The following GNL3 variants were observed in gnomAD, a reference collection of about 807,000 sequenced individuals.
GNL3 encodes the protein guanine nucleotide-binding protein-like 3.
Under a neutral mutation model 70.6 loss-of-function variants are expected in GNL3, and 77 were observed. The ratio of observed to expected loss-of-function variants is 1.09; its 90% confidence interval spans 0.91 to 1.32. The LOEUF is 1.32. Among genes scored for constraint, GNL3 ranks in the 40% most tolerant of loss-of-function variants. The pLI is 0.00. For missense variants in GNL3, 634 were observed against 644.0 expected (o/e 0.98, Z 0.17); for synonymous variants, 252 against 216.1 (o/e 1.17, Z -1.46).
Position 52,687,488 on chromosome 3 carries a change from T to G in GNL3, c.211-14T>G, listed in dbSNP as rs750451380. 1 of 1,602,552 alleles carries G rather than the reference T, an allele frequency of 6.2e-7. No individual in the cohort carries two copies. The highest frequency in any genetic ancestry group is 8.5e-7 in the Non-Finnish European group (1 of 1,169,682). Reference sequence around the variant, plus strand: ...TAGTCACTGGTTCACCTATTTCCCTTATGGCTCTGACAGCTTGAAGAACTA... The same window carrying G: ...TAGTCACTGGTTCACCTATTTCCCTGATGGCTCTGACAGCTTGAAGAACTA... On this transcript the variant is annotated splice_polypyrimidine_tract_variant and intron_variant, in intron 3 of 14. Coordinates refer to ENST00000418458, the MANE Select transcript of GNL3 (RefSeq NM_014366.5).
chr3:52,690,839 G>C (rs1424794486), intron 7 of GNL3, 106 bp from the exon 8 acceptor site: 3 of 1,229,788 alleles, frequency 2.4e-6, no homozygotes, highest in Non-Finnish European at 3.6e-6. Context: ...TCATCTGAAA[G>C]GCAATGTAGT....
intron 9 of GNL3, 25 bp downstream of exon 9, chr3:52,691,654 A>G (rs1373261815): frequency 8.4e-7 from 1 of 1,192,204 alleles, no homozygotes; most frequent in South Asian, 1.2e-5. Flanking sequence ...CCATAATTGT[A>G]ATATTATAGT....
chr3:52,694,476 AAAG>A lies in GNL3; in HGVS notation c.*206_*208del, dbSNP rs1234816202. 5.2e-6 allele frequency: 3 copies of A among 581,192 alleles called. No homozygotes were observed. Among genetic ancestry groups the A allele is most frequent in the South Asian group, 2.3e-5 (1 of 44,254 alleles). 36.0% of individuals were successfully genotyped at this position (581,192 alleles called of 1,614,324 possible). A position where few individuals can be genotyped will look rare whatever the true frequency, so the allele number is the denominator to read the frequency against. On this transcript the variant is annotated 3_prime_UTR_variant, in exon 15 of 15. Coordinates refer to ENST00000418458, the MANE Select transcript of GNL3 (RefSeq NM_014366.5). ...GTGGAAGTAGTTATCTGGAATAAAA[AAAG>A]AAGATACCTATTGAAAAATGTAAGT...
At chr3:52,687,984 T>C (rs1292290183) in intron 4 of GNL3, 125 bp from the exon 5 acceptor site, 1 of 686,990 alleles carries the variant, frequency 1.5e-6, no homozygotes, top group Admixed American at 2.2e-5. Context: ...GGAAGACAAC[T>C]GAGTTCAGAC....
chr3:52,685,973 A>G, upstream of GNL3: 6 of 750,882 alleles, frequency 8.0e-6, no homozygotes, highest in Non-Finnish European at 9.9e-6. Context: ...GCGCACGCAG[A>G]GAGGCGGTGA....
chr3:52,692,631 T>TTA, intron 9 of GNL3: 1 of 614,262 alleles, frequency 1.6e-6, no homozygotes, highest in Non-Finnish European at 3.1e-6. Context: ...GGTGGCATAT[T>TTA]TATAGCAAAG....
intron 4 of GNL3, 37 bp downstream of exon 4, chr3:52,687,652 G>A: frequency 7.3e-7 from 1 of 1,371,606 alleles, no homozygotes; most frequent in Non-Finnish European, 1.0e-6. Context: ...GAGATCAGGG[G>A]TTTTGATTTT....
At chr3:52,688,997 G>T (rs902002333) in intron 5 of GNL3, 77 bp from the exon 6 acceptor site, 2 of 1,185,022 alleles carry the variant, frequency 1.7e-6, no homozygotes, top group Non-Finnish European at 2.5e-6. Context: ...CTTGTGGAAG[G>T]TATTACCAGA....
At chr3:52,688,249 C>A in intron 5 of GNL3, 57 bp downstream of exon 5, 1 of 1,007,200 alleles carries the variant, frequency 9.9e-7, no homozygotes, top group South Asian at 1.3e-5. Context: ...AGACTCAAGT[C>A]ATTTTTTTTT....
At chr3:52,685,987 A>G (rs2097307401), upstream of GNL3, 3 of 768,248 alleles carry the variant, frequency 3.9e-6, no homozygotes. Flanking sequence ...GCGGTGACGC[A>G]CTTTACGGCG....
rs185465710 is a variant in GNL3 at position 52,687,690 on chromosome 3, T to G, written c.324+75T>G. The G allele has an allele frequency of 3.6e-3, 3,052 of 838,132 alleles. 17 individuals carry two copies. Among genetic ancestry groups the G allele is most frequent in the Non-Finnish European group, 4.9e-3 (2,490 of 508,250 alleles). 51.9% of individuals were successfully genotyped at this position (838,132 alleles called of 1,614,324 possible). ...TTTTTTTGCTTGGGCCTGAGTGCAG[T>G]GGCACAATCACAACTCACTGCAACC... On this transcript the variant is annotated intron_variant, in intron 4 of 14. Transcript: ENST00000418458.
chr3:52,693,844 T>C, intron 13 of GNL3, 37 bp downstream of exon 13: 1 of 1,517,212 alleles, frequency 6.6e-7, no homozygotes, highest in Non-Finnish European at 9.1e-7. Context: ...CTGAAGTGAG[T>C]TTTCTAGCAT....
chr3:52,686,975 A>G (rs2097316162), intron 2 of GNL3, 148 bp downstream of exon 2: 4 of 650,530 alleles, frequency 6.1e-6, no homozygotes, highest in South Asian at 5.7e-5. Context: ...CTTAGGCATC[A>G]GGAGTGCAGC....
chr3:52,693,288 T>C lies in GNL3; in HGVS notation c.1146T>C (p.Asn382=), dbSNP rs1408770861. 1 of 1,614,010 alleles carries C rather than the reference T, an allele frequency of 6.2e-7. No homozygotes were observed. The highest frequency in any genetic ancestry group is 8.5e-7 in the Non-Finnish European group (1 of 1,180,024). The change falls in exon 11 of 15, where the codon AAT becomes AAC. Residue 382 remains asparagine (N), a synonymous_variant. Transcript: ENST00000418458. The part of the protein sequence containing the change: ...RGMHQKGGIP[N]VEGAAKLLWS... ...TGCACCAAAAAGGTGGAATCCCAAA[T>C]GTTGAAGGTGCTGCCAAACTGCTGT...
intron 6 of GNL3, among the ~76,000 whole-genome samples, chr3:52,689,788 A>G (rs2154099548): frequency 6.6e-6 from 1 of 152,270 alleles, no homozygotes; most frequent in South Asian, 2.1e-4. Context: ...CCCCATCTCT[A>G]CTAAAATACA....
intron 6 of GNL3, 189 bp downstream of exon 6, chr3:52,689,395 A>T: frequency 1.4e-6 from 1 of 707,834 alleles, no homozygotes; most frequent in Non-Finnish European, 2.6e-6. Flanking sequence ...ACTGGTTTCT[A>T]CTATTCTTTT....
At chr3:52,687,644 G>T in intron 4 of GNL3, 29 bp downstream of exon 4, 17 of 1,382,956 alleles carry the variant, frequency 1.2e-5, no homozygotes, top group Non-Finnish European at 1.6e-5. Flanking sequence ...ATGAATGAGA[G>T]ATCAGGGGTT....
At chr3:52,693,880 A>AG in intron 13 of GNL3, 73 bp downstream of exon 13, 1 of 1,405,778 alleles carries the variant, frequency 7.1e-7, no homozygotes. Context: ...AAGGAACTGA[A>AG]GATAGGAAAT....
intron 4 of GNL3, 104 bp downstream of exon 4, chr3:52,687,719 A>T: frequency 1.5e-6 from 1 of 684,412 alleles, no homozygotes; most frequent in South Asian, 1.8e-5. Context: ...TGCAACCTGG[A>T]CCACCCAGGC....
Sources: gnomAD v4.1 joint callset for allele counts (sites outside exome capture counted in the v4.1 genomes callset) on GRCh38, gnomAD v4.1.1 for gene constraint, MANE v1.5 for transcripts, NCBI Gene and HGNC (gene_info 2026-07-23, HGNC 2026-07-21) for gene names.